The following PRUNE2 variants were observed in gnomAD, a reference collection of about 807,000 sequenced individuals.
PRUNE2 encodes protein prune homolog 2.
PRUNE2 carries 164 observed loss-of-function variants against 252.0 expected under a neutral mutation model. The ratio of observed to expected loss-of-function variants is 0.65; its 90% CI spans 0.57 to 0.74. The LOEUF (loss-of-function observed/expected upper bound fraction) is 0.74, where lower values mean the gene tolerates loss of function less well. PRUNE2 is among the 30% of genes least tolerant of loss of function. The pLI is 0.00. For missense variants in PRUNE2, 3,495 were observed against 3,711.0 expected, an observed-to-expected ratio of 0.94 and a Z score of 1.51; for synonymous variants, 1,292 against 1,350.2, an observed-to-expected ratio of 0.96 and a Z score of 0.94.
intron 18 of PRUNE2, among the ~76,000 whole-genome samples, chr9:76,617,009 T>C (rs891772111): frequency 2.0e-5 from 3 of 150,282 alleles, no homozygotes; most frequent in Non-Finnish European, 4.4e-5. Context: ...AAAGTATCCT[T>C]TTTGGAAAAA....
At chr9:76,691,112 C>T (rs1001920781) in intron 9 of PRUNE2, among the ~76,000 whole-genome samples, 12 of 152,132 alleles carry the variant, frequency 7.9e-5, no homozygotes, top group Admixed American at 2.0e-4. Flanking sequence ...ATGCAGGAGC[C>T]GCTCCCATTT....
At chr9:76,886,932 TAGA>T (rs1416350427) in intron 1 of PRUNE2, among the ~76,000 whole-genome samples, 2 of 152,192 alleles carry the variant, frequency 1.3e-5, no homozygotes, top group African/African-American at 2.4e-5. Context: ...ATCACAGTAG[TAGA>T]AATCATCCTC....
chr9:76,846,286 C>A (rs1589549359), intron 4 of PRUNE2, among the ~76,000 whole-genome samples: 1 of 152,158 alleles, frequency 6.6e-6, no homozygotes, highest in Non-Finnish European at 1.5e-5. Context: ...ATATTCTTGT[C>A]TAGTGAAACA....
At chr9:76,662,331 C>T (rs770517070) in intron 9 of PRUNE2, among the ~76,000 whole-genome samples, 3 of 152,158 alleles carry the variant, frequency 2.0e-5, no homozygotes, top group Non-Finnish European at 2.9e-5. Flanking sequence ...CACGTATATT[C>T]GTAGATTGTG....
intron 9 of PRUNE2, among the ~76,000 whole-genome samples, chr9:76,698,884 G>A (rs1325091729): frequency 2.0e-5 from 3 of 152,134 alleles, no homozygotes; most frequent in Non-Finnish European, 2.9e-5. Flanking sequence ...CACTGTGTTC[G>A]AAGGTCATCT....
intron 1 of PRUNE2, chr9:76,862,701 T>A (rs2060620169): frequency 6.6e-6 from 1 of 152,174 alleles, no homozygotes; most frequent in African/African-American, 2.4e-5. Context: ...TATAAAACAT[T>A]TGTAGAAACT....
intron 1 of PRUNE2, among the ~76,000 whole-genome samples, chr9:76,888,621 A>T (rs2062258369): frequency 6.6e-6 from 1 of 150,950 alleles, no homozygotes; most frequent in South Asian, 2.1e-4. Context: ...ATTTAGATAA[A>T]GAGAGAAAGA....
chr9:76,653,558 C>T (rs981750281), intron 10 of PRUNE2, among the ~76,000 whole-genome samples: 6 of 152,142 alleles, frequency 3.9e-5, no homozygotes, highest in Middle Eastern at 3.4e-3. Flanking sequence ...GTTGAATCCA[C>T]GGATTTGGAA....
At chr9:76,663,076 T>C (rs1034288750) in intron 9 of PRUNE2, among the ~76,000 whole-genome samples, 7 of 152,222 alleles carry the variant, frequency 4.6e-5, no homozygotes, top group African/African-American at 1.7e-4. Flanking sequence ...CAGCAGTACA[T>C]GGCACCCTGT....
intron 6 of PRUNE2, among the ~76,000 whole-genome samples, chr9:76,810,143 G>T (rs1239762861): frequency 8.5e-5 from 13 of 152,136 alleles, no homozygotes; most frequent in Admixed American, 8.5e-4. Flanking sequence ...ATTACATCAT[G>T]GTATCATGAA....
At position 76,707,726 on chromosome 9, in the gene PRUNE2, C is replaced by T. The variant is rs1172747542; in HGVS notation, c.4548G>A (p.Lys1516=). ...CSEITKNLDV[K]GSENSLPGAG... ...CTCCTGGAAGGCTATTTTCAGACCC[C>T]TTAACGTCAAGATTTTTGGTTATCT... is the stretch of plus-strand genomic sequence containing the variant. The change falls in exon 8 of 19, where the codon AAG becomes AAA. Residue 1516 remains lysine, a synonymous_variant. Transcript: ENST00000376718. 1.2e-6 allele frequency: 2 copies of T among 1,613,760 alleles called. No individual in the cohort carries two copies. The highest frequency in any genetic ancestry group is 1.7e-6 in the Non-Finnish European group (2 of 1,179,862).
chr9:76,829,398 GT>G (rs2058538394), intron 4 of PRUNE2, among the ~76,000 whole-genome samples: 1 of 152,188 alleles, frequency 6.6e-6, no homozygotes, highest in East Asian at 1.9e-4. Context: ...AGGAGTTTTA[GT>G]TAAGTAACCC....
chr9:76,700,213 A>G (rs1012240824), intron 9 of PRUNE2: 2 of 152,250 alleles, frequency 1.3e-5, no homozygotes, highest in Non-Finnish European at 2.9e-5. Flanking sequence ...TTTGGCAGCT[A>G]AGAGAGGCTG....
At chr9:76,623,595 C>T (rs1190825728) in intron 17 of PRUNE2, among the ~76,000 whole-genome samples, 1 of 152,112 alleles carries the variant, frequency 6.6e-6, no homozygotes, top group Non-Finnish European at 1.5e-5. Context: ...ATTGGTTGGG[C>T]TATTTTACAG....
rs781029724 is a variant in PRUNE2, at chr9:76,706,794, G to A, written c.5480C>T (p.Thr1827Ile). The change falls in exon 8 of 19, where the codon ACT (threonine) becomes ATT (isoleucine). Residue 1827 changes from threonine (T) to isoleucine (I), a missense_variant. Physicochemically the swap from Thr to Ile is moderately conservative, Grantham distance 89. Coordinates refer to ENST00000376718, the MANE Select transcript of PRUNE2 (RefSeq NM_015225.3). ...LEMLGFSADS[T>I]EWWKASPQEG... Reference sequence around the variant, plus strand: ...CTGGGGTGAGGCCTTCCACCACTCAGTGCTATCAGCTGAGAAGCCCAGCAT... The same window carrying A: ...CTGGGGTGAGGCCTTCCACCACTCAATGCTATCAGCTGAGAAGCCCAGCAT... The A allele has an allele frequency of 3.7e-6, 6 of 1,608,872 alleles. No homozygotes were observed. In the African/African-American group the frequency reaches 4.0e-5, roughly 11 times the overall value.
intron 6 of PRUNE2, among the ~76,000 whole-genome samples, chr9:76,729,785 T>A (rs949579826): frequency 1.3e-5 from 2 of 152,282 alleles, no homozygotes; most frequent in African/African-American, 4.8e-5. Context: ...TTTAAAAGCA[T>A]GGGTTTATAG....
chr9:76,901,993 G>A (rs1292502644), intron 1 of PRUNE2, among the ~76,000 whole-genome samples: 1 of 152,156 alleles, frequency 6.6e-6, no homozygotes, highest in Non-Finnish European at 1.5e-5. Flanking sequence ...CATGAGGGCT[G>A]CGGTGATCTC....
chr9:76,703,486 C>A lies in PRUNE2; in HGVS notation c.8127G>T (p.Pro2709=). The change falls in exon 9 of 19, where the codon CCG becomes CCT. Residue 2709 remains proline, a synonymous_variant. Transcript: ENST00000376718. ...QKSKSRGRAG[P]DAVTLQAVTH... ...TGACAGCCTGCAACGTAACTGCATC[C>A]GGGCCAGCCCTGCCTCGGCTCTTAC... 1.2e-6 allele frequency: 2 copies of A among 1,613,390 alleles called. No homozygotes were observed. The highest frequency in any genetic ancestry group is 1.7e-6 in the Non-Finnish European group (2 of 1,179,782).
At chr9:76,792,985 C>T (rs1025744283) in intron 6 of PRUNE2, among the ~76,000 whole-genome samples, 8 of 152,304 alleles carry the variant, frequency 5.3e-5, no homozygotes, top group African/African-American at 1.9e-4. Context: ...GCTTACTAGT[C>T]CATTTTACTG....
Sources: allele counts gnomAD v4.1 joint callset (sites outside exome capture counted in the v4.1 genomes callset), GRCh38; gene constraint gnomAD v4.1.1; transcripts MANE v1.5; gene names NCBI Gene and HGNC (gene_info 2026-07-23, HGNC 2026-07-21).